Variants in DOCK4 observed in about 807,000 individuals in gnomAD.
The protein encoded by DOCK4 is dedicator of cytokinesis protein 4.
A neutral mutation model predicts 268.1 loss-of-function variants in DOCK4; 97 were observed. The observed-to-expected ratio is 0.36, with a 90% CI of 0.31 to 0.43. The LOEUF is 0.43. Among genes scored for constraint, DOCK4 ranks in the 20% least tolerant of loss-of-function variants. The pLI, the probability that DOCK4 is intolerant of heterozygous loss-of-function variation, is 1.00. For synonymous variants in DOCK4, 954 were observed against 887.2 expected, an observed-to-expected ratio of 1.08 and a Z score of -1.34; for missense variants, 2,145 against 2,455.7, an observed-to-expected ratio of 0.87 and a Z score of 2.67.
At chr7:111,796,744 C>G (rs942014222) in intron 30 of DOCK4, among the ~76,000 whole-genome samples, 6 of 152,198 alleles carry the variant, frequency 3.9e-5, no homozygotes, top group African/African-American at 1.4e-4. Context: ...AAAGGCAACA[C>G]AGGCTCTCCA....
At chr7:111,920,389 C>T (rs905552741) in intron 12 of DOCK4, among the ~76,000 whole-genome samples, 1 of 152,082 alleles carries the variant, frequency 6.6e-6, no homozygotes. Context: ...ACATTGTATG[C>T]CATAAATATG....
chr7:111,913,998 G>A (rs941737185), intron 13 of DOCK4, among the ~76,000 whole-genome samples: 1 of 152,128 alleles, frequency 6.6e-6, no homozygotes, highest in African/African-American at 2.4e-5. Context: ...TAGTGCAGTG[G>A]AGAACAAAGA....
intron 7 of DOCK4, 26 bp downstream of exon 7, chr7:111,984,274 GAAGACT>G (rs1798866510): frequency 6.3e-7 from 1 of 1,579,720 alleles, no homozygotes; most frequent in African/African-American, 1.4e-5. Context: ...AAATTAGCAG[GAAGACT>G]GGAAGCCAAG....
intron 1 of DOCK4, among the ~76,000 whole-genome samples, chr7:112,165,496 C>T (rs898407474): frequency 1.3e-5 from 2 of 149,038 alleles, no homozygotes; most frequent in Non-Finnish European, 3.0e-5. Context: ...GATATGATTT[C>T]ATTGTTGTTC....
intron 7 of DOCK4, among the ~76,000 whole-genome samples, chr7:111,981,069 CTT>C (rs1380525357): frequency 6.6e-6 from 1 of 152,158 alleles, no homozygotes; most frequent in Non-Finnish European, 1.5e-5. Context: ...TAAAGTGAGA[CTT>C]TTTTTCTAAT....
chr7:111,962,552 G>A (rs371970557), intron 8 of DOCK4, among the ~76,000 whole-genome samples: 1 of 152,136 alleles, frequency 6.6e-6, no homozygotes, highest in South Asian at 2.1e-4. Flanking sequence ...TTACCGTGCG[G>A]TACACAAGAC....
At chr7:111,737,936 G>C (rs1480685809) in intron 49 of DOCK4, among the ~76,000 whole-genome samples, 1 of 152,168 alleles carries the variant, frequency 6.6e-6, no homozygotes, top group African/African-American at 2.4e-5. Flanking sequence ...GCGGTACCCT[G>C]GGACTTTCGG....
Position 111,988,916 on chromosome 7 carries a change from A to C in DOCK4, c.464+99T>G, listed in dbSNP as rs1799268921. The C allele has an allele frequency of 2.0e-6, 3 of 1,469,126 alleles. No individual in the cohort carries two copies. In the South Asian group the frequency reaches 3.9e-5, roughly 19 times the overall value. 91.0% of individuals were successfully genotyped at this position (1,469,126 alleles called of 1,614,324 possible). A position where few individuals can be genotyped will look rare whatever the true frequency, so the allele number is the denominator to read the frequency against. On this transcript the variant is annotated intron_variant, in intron 6 of 52. Coordinates refer to ENST00000428084, the MANE Select transcript of DOCK4 (RefSeq NM_001363540.2). ...AAACAGGAAACATGAAAAAGCCCAT[A>C]GGATTGCTTCCAGTGACATTACCAC... is the stretch of plus-strand genomic sequence containing the variant.
chr7:111,889,043 C>G (rs1808074456), intron 16 of DOCK4, among the ~76,000 whole-genome samples: 1 of 152,112 alleles, frequency 6.6e-6, no homozygotes, highest in African/African-American at 2.4e-5. Context: ...GCAGTATGAA[C>G]TGGTTAGCAT....
intron 26 of DOCK4, among the ~76,000 whole-genome samples, chr7:111,826,649 G>A (rs928874742): frequency 6.6e-6 from 1 of 152,010 alleles, no homozygotes; most frequent in African/African-American, 2.4e-5. Context: ...ACCAAATACT[G>A]CGTTCTCACT....
chr7:111,903,960 T>C (rs1039442770), intron 13 of DOCK4, among the ~76,000 whole-genome samples: 2 of 152,230 alleles, frequency 1.3e-5, no homozygotes, highest in Non-Finnish European at 2.9e-5. Flanking sequence ...GAATTTCTTA[T>C]AATGAGTAAT....
At chr7:111,867,907 T>G in intron 22 of DOCK4, 77 bp downstream of exon 22, 1 of 1,288,126 alleles carries the variant, frequency 7.8e-7, no homozygotes, top group Non-Finnish European at 1.0e-6. Context: ...AGAAAACATT[T>G]GATTACGCTG....
At chr7:111,739,821 T>G (rs955117840) in intron 47 of DOCK4, 2 of 349,340 alleles carry the variant, frequency 5.7e-6, no homozygotes, top group Admixed American at 4.3e-5. Flanking sequence ...AAAATATGCC[T>G]TCTTGTTATC....
chr7:112,126,078 G>C (rs1813194006), intron 1 of DOCK4, among the ~76,000 whole-genome samples: 1 of 152,172 alleles, frequency 6.6e-6, no homozygotes, highest in African/African-American at 2.4e-5. Context: ...TGGGATTACA[G>C]GTGTGAGCCA....
At chr7:111,988,878 A>G in intron 6 of DOCK4, 137 bp downstream of exon 6, 1 of 1,281,044 alleles carries the variant, frequency 7.8e-7, no homozygotes, top group South Asian at 1.5e-5. Flanking sequence ...GCCAGTTCGC[A>G]CTAAGCCTCC....
intron 6 of DOCK4, among the ~76,000 whole-genome samples, chr7:111,986,874 G>A (rs1323945468): frequency 1.3e-5 from 2 of 152,192 alleles, no homozygotes; most frequent in Non-Finnish European, 2.9e-5. Context: ...TATACAACGT[G>A]AGATGGAACA....
Position 111,808,886 on chromosome 7 carries a change from T to C in DOCK4, c.3108-7A>G. On this transcript the variant is annotated splice_region_variant and splice_polypyrimidine_tract_variant and intron_variant, in intron 29 of 52. Coordinates refer to ENST00000428084, the MANE Select transcript of DOCK4 (RefSeq NM_001363540.2). Reference sequence around the variant, plus strand: ...TACCCGCATGTCACCATACCTGAAATAGAACAAAAAACCAAACCTGATACA... The same window carrying C: ...TACCCGCATGTCACCATACCTGAAACAGAACAAAAAACCAAACCTGATACA... 6.2e-7 allele frequency: 1 copy of C among 1,612,288 alleles called. No individual in the cohort carries two copies. Among genetic ancestry groups the C allele is most frequent in the Non-Finnish European group, 8.5e-7 (1 of 1,179,234 alleles).
At chr7:111,993,703 C>A (rs1295167470) in intron 5 of DOCK4, among the ~76,000 whole-genome samples, 1 of 152,154 alleles carries the variant, frequency 6.6e-6, no homozygotes, top group Non-Finnish European at 1.5e-5. Flanking sequence ...AAGAAACATT[C>A]TTTTCTCTAG....
chr7:111,997,369 C>T (rs751716611), intron 4 of DOCK4, among the ~76,000 whole-genome samples: 11 of 152,132 alleles, frequency 7.2e-5, no homozygotes, highest in Non-Finnish European at 1.3e-4. Context: ...TTACTGAGTG[C>T]TACTACTAAC....
Sources: gnomAD v4.1 joint callset for allele counts (sites outside exome capture counted in the v4.1 genomes callset) on GRCh38, gnomAD v4.1.1 for gene constraint, MANE v1.5 for transcripts, NCBI Gene and HGNC (gene_info 2026-07-23, HGNC 2026-07-21) for gene names.